PDE4D: variants seen among roughly 807,000 people sequenced by gnomAD.
The protein encoded by PDE4D is phosphodiesterase 4D.
Under a neutral mutation model 87.4 loss-of-function variants are expected in PDE4D, and 24 were observed. The ratio of observed to expected loss-of-function variants is 0.27; its 90% CI spans 0.20 to 0.39. The LOEUF is 0.39. Among genes scored for constraint, PDE4D ranks in the 10% least tolerant of loss-of-function variants. PDE4D has a pLI of 1.00. For synonymous variants in PDE4D, 384 were observed against 383.2 expected, an observed-to-expected ratio of 1.00 and a Z score of -0.02; for missense variants, 714 against 1,041.0, an observed-to-expected ratio of 0.69 and a Z score of 4.32.
chr5:60,449,719 G>C (rs1158507710), intron 1 of PDE4D, among the ~76,000 whole-genome samples: 2 of 151,182 alleles, frequency 1.3e-5, no homozygotes, highest in Non-Finnish European at 2.9e-5. Context: ...TGCCAAGCTT[G>C]GTCTTAAACT....
At chr5:59,494,253 T>C (rs1806734223) in intron 1 of PDE4D, among the ~76,000 whole-genome samples, 1 of 152,200 alleles carries the variant, frequency 6.6e-6, no homozygotes, top group African/African-American at 2.4e-5. Context: ...GTGTCAGATA[T>C]GTAATAAAGG....
intron 2 of PDE4D, among the ~76,000 whole-genome samples, chr5:60,084,380 G>A (rs1273134475): frequency 2.7e-5 from 4 of 146,798 alleles, no homozygotes; most frequent in African/African-American, 5.0e-5. Flanking sequence ...GTGATTCTTC[G>A]CATCTTAACG....
chr5:59,611,893 G>A (rs187024856), intron 1 of PDE4D, among the ~76,000 whole-genome samples: 1 of 152,262 alleles, frequency 6.6e-6, no homozygotes, highest in Non-Finnish European at 1.5e-5. Flanking sequence ...CAGCCAGACT[G>A]TCATTCTTAC....
intron 1 of PDE4D, among the ~76,000 whole-genome samples, chr5:60,481,370 T>C (rs917903943): frequency 4.6e-5 from 7 of 152,158 alleles, no homozygotes; most frequent in Non-Finnish European, 8.8e-5. Flanking sequence ...TGTTTTTTTT[T>C]ATTTGTGATA....
At chr5:59,149,355 C>T (rs1280409834) in intron 5 of PDE4D, among the ~76,000 whole-genome samples, 6 of 152,134 alleles carry the variant, frequency 3.9e-5, no homozygotes, top group Admixed American at 3.3e-4. Context: ...AGGTGCTATC[C>T]TATTTGGAAT....
chr5:59,227,667 AAG>A (rs1327254976), intron 1 of PDE4D, among the ~76,000 whole-genome samples: 2 of 152,194 alleles, frequency 1.3e-5, no homozygotes, highest in African/African-American at 2.4e-5. Context: ...CTAATCATTA[AAG>A]AAATACAAAT....
intron 1 of PDE4D, among the ~76,000 whole-genome samples, chr5:60,219,126 T>C (rs537212185): frequency 1.3e-5 from 2 of 152,266 alleles, no homozygotes; most frequent in Non-Finnish European, 2.9e-5. Flanking sequence ...TAGGCAAATA[T>C]ACACACTCAC....
intron 3 of PDE4D, among the ~76,000 whole-genome samples, chr5:59,955,276 A>G (rs1003903153): frequency 6.6e-6 from 1 of 152,216 alleles, no homozygotes; most frequent in African/African-American, 2.4e-5. Flanking sequence ...GTATAATACT[A>G]GTTGATACTG....
intron 1 of PDE4D, among the ~76,000 whole-genome samples, chr5:59,724,331 A>C (rs1288705774): frequency 6.6e-6 from 1 of 152,100 alleles, no homozygotes; most frequent in African/African-American, 2.4e-5. Flanking sequence ...TCTGATAGAG[A>C]AAGATAATTT....
chr5:59,029,177 C>G (rs1281129826), intron 6 of PDE4D, among the ~76,000 whole-genome samples: 1 of 151,656 alleles, frequency 6.6e-6, no homozygotes, highest in Non-Finnish European at 1.5e-5. Context: ...CTTTGGGAGG[C>G]CGAGGCGGGC....
intron 1 of PDE4D, among the ~76,000 whole-genome samples, chr5:60,412,412 G>C (rs757638674): frequency 5.9e-5 from 9 of 152,148 alleles, no homozygotes; most frequent in Non-Finnish European, 1.2e-4. Context: ...TCCATCTGGA[G>C]GTATTTGGGC....
chr5:60,303,531 T>C (rs1034178118), intron 1 of PDE4D, among the ~76,000 whole-genome samples: 5 of 151,840 alleles, frequency 3.3e-5, no homozygotes. Context: ...ATGGTCTCGA[T>C]CTCCTGACCT....
At chr5:60,093,729 A>C (rs1429766246) in intron 2 of PDE4D, among the ~76,000 whole-genome samples, 8 of 152,190 alleles carry the variant, frequency 5.3e-5, no homozygotes, top group Admixed American at 4.6e-4. Context: ...ATTTTAAATA[A>C]TTAAAAAATA....
intron 5 of PDE4D, among the ~76,000 whole-genome samples, chr5:59,075,831 T>C (rs940835649): frequency 1.3e-5 from 2 of 152,110 alleles, no homozygotes; most frequent in African/African-American, 4.8e-5. Context: ...TATCCTTTCT[T>C]TGTTATAAAT....
chr5:59,757,937 T>C (rs909803152), intron 1 of PDE4D, among the ~76,000 whole-genome samples: 1 of 152,230 alleles, frequency 6.6e-6, no homozygotes, highest in Non-Finnish European at 1.5e-5. Context: ...ACAAGCCACA[T>C]GTGTAAACTA....
At chr5:59,860,527 T>G (rs1021013787) in intron 1 of PDE4D, among the ~76,000 whole-genome samples, 2 of 152,206 alleles carry the variant, frequency 1.3e-5, no homozygotes, top group Non-Finnish European at 2.9e-5. Context: ...TTTGTGCTAA[T>G]TGCTGAGCAG....
At chr5:59,089,759 T>C (rs1768358391) in intron 5 of PDE4D, among the ~76,000 whole-genome samples, 1 of 152,222 alleles carries the variant, frequency 6.6e-6, no homozygotes, top group African/African-American at 2.4e-5. Flanking sequence ...GGATGTCATC[T>C]GAGTTTCATT....
At chr5:59,740,004 T>C (rs972648612) in intron 1 of PDE4D, among the ~76,000 whole-genome samples, 2 of 152,200 alleles carry the variant, frequency 1.3e-5, no homozygotes, top group Non-Finnish European at 2.9e-5. Flanking sequence ...TCCAACACTG[T>C]ACAATTGCAT....
chr5:59,862,375 A>G (rs1214696265), intron 1 of PDE4D, among the ~76,000 whole-genome samples: 2 of 152,178 alleles, frequency 1.3e-5, no homozygotes, highest in Non-Finnish European at 2.9e-5. Flanking sequence ...ATCTAATCCC[A>G]TTTGTCATGC....
Sources: gnomAD v4.1 joint callset for allele counts (sites outside exome capture counted in the v4.1 genomes callset) on GRCh38, gnomAD v4.1.1 for gene constraint, MANE v1.5 for transcripts, NCBI Gene and HGNC (gene_info 2026-07-23, HGNC 2026-07-21) for gene names.